SLC14A2: variants seen among roughly 807,000 people sequenced by gnomAD.
SLC14A2 encodes the protein urea transporter 2.
In SLC14A2, 91 loss-of-function variants were observed where a neutral mutation model predicts 104.6. That is an observed-to-expected ratio of 0.87 (90% CI 0.73 to 1.04). The LOEUF (loss-of-function observed/expected upper bound fraction) is 1.04. Among genes scored for constraint, SLC14A2 ranks in the 50% least tolerant of loss-of-function variants. The probability of loss-of-function intolerance (pLI) is 0.00; values close to 1 mark genes in which losing one functional copy is unlikely to be tolerated. For synonymous variants in SLC14A2, 476 were observed against 466.4 expected (o/e 1.02, Z -0.27); for missense variants, 1,189 against 1,156.0 (o/e 1.03, Z -0.41).
chr18:45,604,500 T>G (rs2144420937), intron 2 of SLC14A2, among the ~76,000 whole-genome samples: 1 of 152,346 alleles, frequency 6.6e-6, no homozygotes, highest in East Asian at 1.9e-4. Flanking sequence ...AACTCTGCTT[T>G]ATAAATGCAT....
At chr18:45,314,557 C>T (rs570444552) in intron 1 of SLC14A2, among the ~76,000 whole-genome samples, 2 of 152,262 alleles carry the variant, frequency 1.3e-5, no homozygotes, top group Admixed American at 6.5e-5. Context: ...TGGGATATGA[C>T]CCTATGTCTG....
intron 1 of SLC14A2, among the ~76,000 whole-genome samples, chr18:45,275,637 C>A (rs1021322664): frequency 1.2e-4 from 18 of 152,174 alleles, no homozygotes; most frequent in African/African-American, 4.3e-4. Flanking sequence ...TAAAATTGTG[C>A]ATGCTTATTT....
intron 1 of SLC14A2, chr18:45,482,663 A>C (rs1019865976): frequency 6.6e-6 from 1 of 152,260 alleles, no homozygotes; most frequent in Non-Finnish European, 1.5e-5. Flanking sequence ...AAAGCAAGCC[A>C]GAGAATAAGA....
chr18:45,551,408 G>A (rs1352140356), intron 2 of SLC14A2, among the ~76,000 whole-genome samples: 1 of 152,236 alleles, frequency 6.6e-6, no homozygotes, highest in East Asian at 1.9e-4. Flanking sequence ...CAGAGCTGCA[G>A]CAGACTGGGG....
chr18:45,619,608 T>C (rs1330274034), intron 1 of SLC14A2, among the ~76,000 whole-genome samples: 2 of 152,156 alleles, frequency 1.3e-5, no homozygotes, highest in African/African-American at 4.8e-5. Flanking sequence ...AAGGAGAGTC[T>C]GAGTGCGCCA....
At chr18:45,455,637 C>CATAATAATAATAATAATAATA (rs141156069) in intron 1 of SLC14A2, among the ~76,000 whole-genome samples, 1 of 148,900 alleles carries the variant, frequency 6.7e-6, no homozygotes. Flanking sequence ...GAACTTAAAG[C>CATAATAATAATAATAATAATA]ATAATAATAA....
At chr18:45,178,811 C>T in the SLC14A2 span, among the ~76,000 whole-genome samples, 5 of 152,230 alleles carry the variant, frequency 3.3e-5, no homozygotes, top group South Asian at 1.0e-3. Context: ...CATGAGAAAT[C>T]CTTGATGCAT....
intron 2 of SLC14A2, among the ~76,000 whole-genome samples, chr18:45,491,110 T>C (rs1734302179): frequency 6.6e-6 from 1 of 152,182 alleles, no homozygotes; most frequent in South Asian, 2.1e-4. Context: ...CTAAATATAA[T>C]CCCTAGAAAA....
At chr18:45,335,207 T>G (rs1235544943) in intron 1 of SLC14A2, among the ~76,000 whole-genome samples, 1 of 152,088 alleles carries the variant, frequency 6.6e-6, no homozygotes, top group Non-Finnish European at 1.5e-5. Context: ...CCAAGCAGCC[T>G]CTGATCAGCT....
At chr18:45,626,815 C>T in intron 3 of SLC14A2, 143 bp from the exon 4 acceptor site, 1 of 431,680 alleles carries the variant, frequency 2.3e-6, no homozygotes, top group Non-Finnish European at 4.3e-6. Flanking sequence ...TACCCCCACC[C>T]CTCCACCCCG....
intron 2 of SLC14A2, among the ~76,000 whole-genome samples, chr18:45,541,978 T>C (rs1021148698): frequency 4.0e-5 from 6 of 149,454 alleles, no homozygotes; most frequent in African/African-American, 1.2e-4. Context: ...GCTAACTTCT[T>C]TGACAGCCAT....
intron 10 of SLC14A2, among the ~76,000 whole-genome samples, chr18:45,657,140 C>G (rs2045849819): frequency 6.6e-6 from 1 of 152,048 alleles, no homozygotes; most frequent in African/African-American, 2.4e-5. Context: ...AGAATACCTA[C>G]CTTAGGCCAT....
At chr18:45,189,423 T>C in the SLC14A2 span, among the ~76,000 whole-genome samples, 1 of 152,294 alleles carries the variant, frequency 6.6e-6, no homozygotes, top group African/African-American at 2.4e-5. Flanking sequence ...CCAATAAGTG[T>C]TGTCTTTCTT....
chr18:45,444,556 C>T (rs577182003), intron 1 of SLC14A2, among the ~76,000 whole-genome samples: 76 of 152,246 alleles, frequency 5.0e-4, no homozygotes, highest in Admixed American at 2.9e-3. Context: ...GAGTGAGTTG[C>T]CGTTGGATGG....
intron 2 of SLC14A2, among the ~76,000 whole-genome samples, chr18:45,490,472 G>A (rs2087701106): frequency 6.6e-6 from 1 of 152,036 alleles, no homozygotes; most frequent in Admixed American, 6.6e-5. Context: ...ATTCCAGATG[G>A]ATTAAAAGTT....
At chr18:45,301,243 A>G (rs1245982718) in intron 1 of SLC14A2, among the ~76,000 whole-genome samples, 2 of 152,174 alleles carry the variant, frequency 1.3e-5, no homozygotes, top group Admixed American at 6.5e-5. Context: ...CATGTAATGG[A>G]TTTAGTAGTT....
the SLC14A2 span, among the ~76,000 whole-genome samples, chr18:45,179,657 AAAG>A: frequency 3.2e-3 from 484 of 152,318 alleles, 2 homozygotes; most frequent in African/African-American, 0.011. Flanking sequence ...CTATTTGTTT[AAAG>A]AATATTCTCC....
chr18:45,680,128 A>T (rs1299460355), intron 19 of SLC14A2, among the ~76,000 whole-genome samples: 4 of 152,220 alleles, frequency 2.6e-5, no homozygotes, highest in African/African-American at 9.6e-5. Context: ...GAGGGGGAAT[A>T]AGGGCATGAA....
At chr18:45,355,577 C>CA (rs768389823) in intron 1 of SLC14A2, among the ~76,000 whole-genome samples, 3,978 of 49,668 alleles carry the variant, frequency 0.08, 334 homozygotes, top group African/African-American at 0.17. Flanking sequence ...TACTCTGTCT[C>CA]AAAAAAAAAA....
Sources: gnomAD v4.1 joint callset for allele counts (sites outside exome capture counted in the v4.1 genomes callset) on GRCh38, gnomAD v4.1.1 for gene constraint, MANE v1.5 for transcripts, NCBI Gene and HGNC (gene_info 2026-07-23, HGNC 2026-07-21) for gene names.